Variants in CRTC3 observed in about 807,000 individuals in gnomAD.
CRTC3 encodes CREB-regulated transcription coactivator 3.
In CRTC3, 26 loss-of-function variants were observed where a neutral mutation model predicts 74.5. The ratio of observed to expected loss-of-function variants is 0.35; its 90% CI spans 0.26 to 0.48. CRTC3 has a LOEUF of 0.48. CRTC3 is among the 20% of genes least tolerant of loss of function. CRTC3 has a pLI of 0.99. For synonymous variants in CRTC3, 377 were observed against 325.8 expected (o/e 1.16, Z -1.69); for missense variants, 760 against 787.3 (o/e 0.97, Z 0.41).
At chr15:90,578,648 T>A (rs1477637816) in intron 2 of CRTC3, among the ~76,000 whole-genome samples, 1 of 152,188 alleles carries the variant, frequency 6.6e-6, no homozygotes, top group African/African-American at 2.4e-5. Flanking sequence ...TAATATGTAT[T>A]CTTATTTGCT....
intron 2 of CRTC3, among the ~76,000 whole-genome samples, chr15:90,585,197 T>G (rs1967631746): frequency 6.6e-6 from 1 of 152,166 alleles, no homozygotes; most frequent in Non-Finnish European, 1.5e-5. Flanking sequence ...CAGGCTGGAG[T>G]GCGGTGGTAT....
At chr15:90,613,709 T>C (rs1968421305) in intron 6 of CRTC3, 1 of 152,226 alleles carries the variant, frequency 6.6e-6, no homozygotes, top group Non-Finnish European at 1.5e-5. Flanking sequence ...TATAATAATG[T>C]ATCCTGATTC....
chr15:90,554,427 T>G (rs774843902), intron 2 of CRTC3, among the ~76,000 whole-genome samples: 9 of 152,166 alleles, frequency 5.9e-5, no homozygotes, highest in Non-Finnish European at 1.2e-4. Context: ...AGTCTCGATC[T>G]CCTGACCTCA....
At chr15:90,640,911 G>A (rs770165604) in intron 13 of CRTC3, 186 bp from the exon 14 acceptor site, 25 of 584,994 alleles carry the variant, frequency 4.3e-5, no homozygotes, top group Non-Finnish European at 7.1e-5. Context: ...CCACCCCAGC[G>A]TCTGCCTGCC....
chr15:90,547,665 C>G (rs376913252), intron 2 of CRTC3, among the ~76,000 whole-genome samples: 14 of 152,230 alleles, frequency 9.2e-5, no homozygotes, highest in African/African-American at 3.4e-4. Context: ...CAGGGCCTGG[C>G]ACACATACAC....
intron 3 of CRTC3, chr15:90,598,580 G>A: frequency 1.4e-6 from 1 of 699,580 alleles, no homozygotes; most frequent in Non-Finnish European, 2.6e-6. Context: ...ATCCTAACAT[G>A]AGTGTCTTGG....
chr15:90,541,341 A>G (rs567052174), intron 2 of CRTC3, among the ~76,000 whole-genome samples: 1 of 152,302 alleles, frequency 6.6e-6, no homozygotes, highest in South Asian at 2.1e-4. Context: ...TTTTTTGATG[A>G]TGTCAAATAA....
At chr15:90,531,661 G>A (rs1966629031) in intron 1 of CRTC3, among the ~76,000 whole-genome samples, 1 of 152,140 alleles carries the variant, frequency 6.6e-6, no homozygotes, top group Non-Finnish European at 1.5e-5. Context: ...CTGTGACCTT[G>A]GTTAGATTCA....
rs1966862937 is a variant in CRTC3 at position 90,552,681 on chromosome 15, A to T, written c.231+12544A>T. 8.5e-5 allele frequency among the ~76,000 whole-genome samples: 13 copies of T among 152,218 alleles called. No homozygotes were observed. In the South Asian group the frequency reaches 2.7e-3, roughly 32 times the overall value. On this transcript the variant is annotated intron_variant, in intron 2 of 14. Transcript: ENST00000268184. ...CAACTATCTCAGTCTAGTTTTTTGT[A>T]TGTGAAGTGGGGATTATAATAGTAA...
chr15:90,576,187 T>C (rs1020848263), intron 2 of CRTC3, among the ~76,000 whole-genome samples: 7 of 152,078 alleles, frequency 4.6e-5, no homozygotes, highest in African/African-American at 1.7e-4. Flanking sequence ...GAGGACCACT[T>C]GAGCCCAGGA....
At chr15:90,586,898 C>A (rs1178935654) in intron 2 of CRTC3, among the ~76,000 whole-genome samples, 1 of 152,188 alleles carries the variant, frequency 6.6e-6, no homozygotes, top group African/African-American at 2.4e-5. Context: ...GATAATCTTC[C>A]TAGTTGATAA....
Position 90,643,115 on chromosome 15 carries a change from A to T in CRTC3, c.*975A>T, listed in dbSNP as rs1485360279. ...CCTAGACCGTAAGCTCCTTGAGGGC[A>T]GGGACAGTGCCTTATCATTGTTGAA... On this transcript the variant is annotated 3_prime_UTR_variant, in exon 15 of 15. Transcript: ENST00000268184. 1 of 232,156 alleles carries T rather than the reference A, an allele frequency of 4.3e-6. No individual in the cohort carries two copies. The highest frequency in any genetic ancestry group is 2.2e-5 in the African/African-American group (1 of 45,262). 14.4% of individuals were successfully genotyped at this position (232,156 alleles called of 1,614,324 possible). A position where few individuals can be genotyped will look rare whatever the true frequency, so the allele number is the denominator to read the frequency against.
intron 2 of CRTC3, among the ~76,000 whole-genome samples, chr15:90,555,693 T>G (rs1966882176): frequency 6.6e-6 from 1 of 152,116 alleles, no homozygotes; most frequent in East Asian, 1.9e-4. Context: ...AATTTTTGTA[T>G]TTTTAATAGA....
At chr15:90,590,160 G>A (rs1188913190) in intron 2 of CRTC3, among the ~76,000 whole-genome samples, 1 of 151,802 alleles carries the variant, frequency 6.6e-6, no homozygotes, top group Non-Finnish European at 1.5e-5. Context: ...GGGAGTGGTG[G>A]CATGTTCCTG....
At chr15:90,551,643 C>T (rs551858157) in intron 2 of CRTC3, among the ~76,000 whole-genome samples, 2 of 152,174 alleles carry the variant, frequency 1.3e-5, no homozygotes, top group African/African-American at 4.8e-5. Context: ...CCCTTAAGAG[C>T]CCAGGGCTTT....
intron 3 of CRTC3, chr15:90,598,733 C>T (rs773550270): frequency 1.8e-6 from 1 of 569,404 alleles, no homozygotes; most frequent in Non-Finnish European, 3.1e-6. Context: ...GAAGTATGCA[C>T]TTGGAGTTCA....
At chr15:90,553,890 TACG>T in intron 2 of CRTC3, among the ~76,000 whole-genome samples, 1 of 152,340 alleles carries the variant, frequency 6.6e-6, no homozygotes, top group African/African-American at 2.4e-5. Flanking sequence ...TGAAAAGAAA[TACG>T]ACAAGTACTA....
At chr15:90,567,306 CCTACTG>C in intron 2 of CRTC3, among the ~76,000 whole-genome samples, 1 of 152,168 alleles carries the variant, frequency 6.6e-6, no homozygotes, top group African/African-American at 2.4e-5. Context: ...ACTGTTGAGA[CCTACTG>C]CTCAGAAAAA....
chr15:90,587,780 A>G (rs1967700204), intron 2 of CRTC3, among the ~76,000 whole-genome samples: 1 of 151,844 alleles, frequency 6.6e-6, no homozygotes. Context: ...CACCTGACAA[A>G]TTTTTGTATT....
Sources: gnomAD v4.1 joint callset for allele counts (sites outside exome capture counted in the v4.1 genomes callset) on GRCh38, gnomAD v4.1.1 for gene constraint, MANE v1.5 for transcripts, NCBI Gene and HGNC (gene_info 2026-07-23, HGNC 2026-07-21) for gene names.